The following SERAC1 variants were observed in gnomAD, a reference collection of about 807,000 sequenced individuals.
SERAC1 encodes serine active site containing 1.
In SERAC1, 36 loss-of-function variants were observed where a neutral mutation model predicts 85.7. That is an observed-to-expected ratio of 0.42 (90% CI 0.32 to 0.55). The LOEUF (loss-of-function observed/expected upper bound fraction) is 0.55, where lower values mean the gene tolerates loss of function less well. SERAC1 is among the 20% of genes least tolerant of loss of function. SERAC1 has a pLI of 0.11. For synonymous variants in SERAC1, 242 were observed against 265.3 expected (o/e 0.91, Z 0.85); for missense variants, 629 against 796.2 (o/e 0.79, Z 2.53).
At chr6:158,140,862 G>T (rs1784899292) in intron 8 of SERAC1, among the ~76,000 whole-genome samples, 1 of 152,182 alleles carries the variant, frequency 6.6e-6, no homozygotes, top group South Asian at 2.1e-4. Flanking sequence ...CCTGGTGTCA[G>T]AAGTGTTAAG....
intron 5 of SERAC1, among the ~76,000 whole-genome samples, chr6:158,147,604 C>CA (rs11287217): frequency 0.034 from 4,229 of 124,098 alleles, 92 homozygotes; most frequent in Non-Finnish European, 0.045. Context: ...ACTAAAAATA[C>CA]AAAAAAAAAA....
intron 8 of SERAC1, among the ~76,000 whole-genome samples, chr6:158,140,749 C>T: frequency 6.6e-6 from 1 of 152,194 alleles, no homozygotes; most frequent in East Asian, 1.9e-4. Flanking sequence ...TGGGCTCTGA[C>T]ACCATCTCTA....
At chr6:158,152,507 C>T (rs905080866) in intron 3 of SERAC1, among the ~76,000 whole-genome samples, 1 of 151,614 alleles carries the variant, frequency 6.6e-6, no homozygotes, top group African/African-American at 2.4e-5. Flanking sequence ...CGGAGCAAGA[C>T]TCCATCTCCG....
chr6:158,165,822 T>C (rs77082891), intron 1 of SERAC1, among the ~76,000 whole-genome samples: 5 of 152,350 alleles, frequency 3.3e-5, no homozygotes, highest in Non-Finnish European at 7.3e-5. Flanking sequence ...CATTTTTCTC[T>C]GTATTCACTG....
intron 4 of SERAC1, among the ~76,000 whole-genome samples, chr6:158,149,960 T>A (rs1785164659): frequency 1.3e-5 from 2 of 152,206 alleles, no homozygotes; most frequent in African/African-American, 4.8e-5. Context: ...AGGGCTTCCA[T>A]GTGTCCTAAA....
chr6:158,155,367 A>G lies in SERAC1; in HGVS notation c.92-16T>C, dbSNP rs201656768. The G allele has an allele frequency of 4.6e-5, 68 of 1,466,740 alleles. No homozygotes were observed. Among genetic ancestry groups the G allele is most frequent in the Admixed American group, 4.1e-4 (24 of 58,892 alleles). 90.9% of individuals were successfully genotyped at this position (1,466,740 alleles called of 1,614,324 possible). A position where few individuals can be genotyped will look rare whatever the true frequency, so the allele number is the denominator to read the frequency against. ...ATTATATTTCCTTCAAAAGAAAAAA[A>G]GTCAATGTGATGAATTTCATTTTTA... On this transcript the variant is annotated splice_polypyrimidine_tract_variant and intron_variant, in intron 2 of 16. Coordinates refer to ENST00000647468, the MANE Select transcript of SERAC1 (RefSeq NM_032861.4).
At chr6:158,131,796 T>C (rs1481206776) in intron 8 of SERAC1, among the ~76,000 whole-genome samples, 2 of 152,158 alleles carry the variant, frequency 1.3e-5, no homozygotes, top group Admixed American at 1.3e-4. Flanking sequence ...GCTGCATTGT[T>C]TGTATAATAA....
At chr6:158,147,258 C>T (rs1785086650) in intron 5 of SERAC1, among the ~76,000 whole-genome samples, 1 of 151,784 alleles carries the variant, frequency 6.6e-6, no homozygotes, top group Non-Finnish European at 1.5e-5. Flanking sequence ...CCCACCTCAG[C>T]CTCCTGAGTA....
chr6:158,139,496 A>C (rs1028656125), intron 8 of SERAC1, among the ~76,000 whole-genome samples: 5 of 152,204 alleles, frequency 3.3e-5, no homozygotes, highest in Admixed American at 2.6e-4. Context: ...ACAACAACAA[A>C]AAAAGTCCAT....
At chr6:158,116,117 T>C in intron 14 of SERAC1, 68 bp downstream of exon 14, 1 of 1,270,968 alleles carries the variant, frequency 7.9e-7, no homozygotes, top group Non-Finnish European at 1.1e-6. Flanking sequence ...TAAAATAACT[T>C]TAGGTTGGCC....
chr6:158,167,280 T>A lies in SERAC1; in HGVS notation c.-2+860A>T, dbSNP rs138906635. On this transcript the variant is annotated intron_variant, in intron 1 of 16. Transcript: ENST00000647468. ...GAGGTCGGGCGCGGTGGCTCACACC[T>A]GTAATCGCAGCACTCTGGGAGGCCG... is the stretch of plus-strand genomic sequence containing the variant. Among the ~76,000 whole-genome samples, 90 of 138,110 alleles carry A rather than the reference T, an allele frequency of 6.5e-4. 1 individual carries two copies. The South Asian group carries it at 0.016, about 25-fold the overall frequency. 90.6% of individuals were successfully genotyped at this position (138,110 alleles called of 152,430 possible).
rs753128238 is a variant in SERAC1, at chr6:158,130,380, T to C, written c.845A>G (p.His282Arg). The C allele has an allele frequency of 6.6e-7, 1 of 1,517,982 alleles. No individual in the cohort carries two copies. The highest frequency in any genetic ancestry group is 1.3e-5 in the South Asian group (1 of 76,068). 94.0% of individuals were successfully genotyped at this position (1,517,982 alleles called of 1,614,324 possible). A position where few individuals can be genotyped will look rare whatever the true frequency, so the allele number is the denominator to read the frequency against. ...TTTGAAAATGTAAATTACCTCAGAA[T>C]GTTTTACTATAGCTTCTAAACAGAA... is the stretch of plus-strand genomic sequence containing the variant. ...EMFCLEAIVKHSEISTHCDKI... is the reference protein window; with the variant it reads ...EMFCLEAIVKRSEISTHCDKI... Residue 282 changes from histidine to arginine, a missense_variant, in exon 9 of 17, where the codon CAT becomes CGT. Physicochemically the swap from His to Arg is conservative, Grantham distance 29. Transcript: ENST00000647468.
At chr6:158,129,700 TG>T (rs1272110955) in intron 9 of SERAC1, among the ~76,000 whole-genome samples, 191 of 122,562 alleles carry the variant, frequency 1.6e-3, no homozygotes, top group African/African-American at 6.1e-3. Flanking sequence ...TTTTTTGTTT[TG>T]TTTTTTTTTT....
intron 1 of SERAC1, chr6:158,161,991 C>T (rs1246801810): frequency 6.6e-6 from 1 of 152,270 alleles, no homozygotes; most frequent in African/African-American, 2.4e-5. Context: ...TAAAAGAAAG[C>T]TCTGGCCCAT....
chr6:158,156,959 A>C (rs12196435), intron 2 of SERAC1, among the ~76,000 whole-genome samples: 1 of 104,528 alleles, frequency 9.6e-6, no homozygotes, highest in African/African-American at 3.5e-5. Context: ...TATTTATATA[A>C]ATATTAATAT....
At chr6:158,122,217 A>T (rs143474501) in intron 10 of SERAC1, among the ~76,000 whole-genome samples, 48 of 152,362 alleles carry the variant, frequency 3.2e-4, no homozygotes, top group African/African-American at 1.0e-3. Context: ...GCTACCATCC[A>T]GGTTTGTGTA....
chr6:158,133,207 G>C (rs1209889031), intron 8 of SERAC1, among the ~76,000 whole-genome samples: 2 of 151,732 alleles, frequency 1.3e-5, no homozygotes, highest in East Asian at 3.9e-4. Context: ...GCTGAGGTGG[G>C]AGGATTGCCT....
Position 158,130,454 on chromosome 6 carries a change from A to G in SERAC1, c.771T>C (p.Leu257=). 4 of 1,603,940 alleles carry G rather than the reference A, an allele frequency of 2.5e-6. No individual in the cohort carries two copies. The highest frequency in any genetic ancestry group is 3.4e-6 in the Non-Finnish European group (4 of 1,176,484). The stretch of plus-strand genomic sequence containing the variant: ...CTTCTCCAAAACTTTCAGCATAAGG[A>G]AGTCCATTTCCTCCAAAACACCATA... ...GGLWCFGGNG[L]PYAESFGEVP... is the part of the protein sequence containing the mutation. The change falls in exon 9 of 17, where the codon CTT becomes CTC. Residue 257 remains leucine, a synonymous_variant. Coordinates refer to ENST00000647468, the MANE Select transcript of SERAC1 (RefSeq NM_032861.4).
intron 2 of SERAC1, 54 bp from the exon 3 acceptor site, chr6:158,155,405 G>T: frequency 3.8e-6 from 4 of 1,059,902 alleles, no homozygotes; most frequent in Non-Finnish European, 4.4e-6. Context: ...AGTGTGAAAG[G>T]AAATAGGCAA....
Sources: allele counts gnomAD v4.1 joint callset (sites outside exome capture counted in the v4.1 genomes callset), GRCh38; gene constraint gnomAD v4.1.1; transcripts MANE v1.5; gene names NCBI Gene and HGNC (gene_info 2026-07-23, HGNC 2026-07-21).